The following SERPINB12 variants were observed in gnomAD, a reference collection of about 807,000 sequenced individuals.
The protein encoded by SERPINB12 is serpin B12.
SERPINB12 carries 57 observed loss-of-function variants against 41.1 expected under a neutral mutation model. The ratio of observed to expected loss-of-function variants is 1.39; its 90% CI spans 1.12 to 1.73. The LOEUF is 1.73. Ranked by LOEUF, SERPINB12 falls within the 40% of genes most tolerant of loss-of-function variation. The probability of loss-of-function intolerance (pLI) is 0.00; values close to 1 mark genes in which losing one functional copy is unlikely to be tolerated. For synonymous variants in SERPINB12, 180 were observed against 181.3 expected, an observed-to-expected ratio of 0.99 and a Z score of 0.06; for missense variants, 536 against 501.9, an observed-to-expected ratio of 1.07 and a Z score of -0.65.
the SERPINB12 span, among the ~76,000 whole-genome samples, chr18:63,521,257 C>T: frequency 1.3e-5 from 2 of 152,168 alleles, no homozygotes; most frequent in African/African-American, 4.8e-5. Context: ...TAAATGACTC[C>T]ATTTGATTCT....
intron 1 of SERPINB12, among the ~76,000 whole-genome samples, chr18:63,548,705 A>C (rs1910447930): frequency 6.6e-6 from 1 of 152,040 alleles, no homozygotes; most frequent in Admixed American, 6.5e-5. Context: ...AGAAAAGAAC[A>C]CATGGAGAAA....
At chr18:63,526,522 A>G in the SERPINB12 span, among the ~76,000 whole-genome samples, 1 of 152,334 alleles carries the variant, frequency 6.6e-6, no homozygotes, top group Non-Finnish European at 1.5e-5. Flanking sequence ...AAAATATAGT[A>G]AAATAAAATC....
intron 5 of SERPINB12, among the ~76,000 whole-genome samples, chr18:63,563,512 C>A (rs551974542): frequency 6.6e-6 from 1 of 152,332 alleles, no homozygotes; most frequent in East Asian, 1.9e-4. Context: ...ATCACCCCCT[C>A]GCTTACCTCC....
In SERPINB12 at chr18:63,568,826, C is replaced by T. The variant is rs1319930793; in HGVS notation, c.*1815C>T. ...AGTGATTTCTTTGTGCTCTGAGAGACAAGTTCCATGTTCTCCATACAACCT... is the reference window on the plus strand; with the variant it reads ...AGTGATTTCTTTGTGCTCTGAGAGATAAGTTCCATGTTCTCCATACAACCT... On this transcript the variant is annotated 3_prime_UTR_variant, in exon 8 of 8. Transcript: ENST00000382768. Among the ~76,000 whole-genome samples, 1 of 152,226 alleles carries T rather than the reference C, an allele frequency of 6.6e-6. No homozygotes were observed. The highest frequency in any genetic ancestry group is 1.5e-5 in the Non-Finnish European group (1 of 68,040).
upstream of SERPINB12, among the ~76,000 whole-genome samples, chr18:63,541,169 G>A (rs1185643866): frequency 1.3e-5 from 2 of 152,092 alleles, no homozygotes; most frequent in Non-Finnish European, 2.9e-5. Flanking sequence ...GGTTAAAGCT[G>A]GTTCATGGGA....
chr18:63,542,610 A>C lies in SERPINB12; in HGVS notation c.-19+118A>C, dbSNP rs564416791. On this transcript the variant is annotated intron_variant, in intron 1 of 7. Coordinates refer to ENST00000382768, the MANE Select transcript of SERPINB12 (RefSeq NM_001307928.2). Reference sequence around the variant, plus strand: ...CATTCTTGGGATCAGAGAGTCAGGGAGGTGCTAACGTTATTTTGCTACTTT... The same window carrying C: ...CATTCTTGGGATCAGAGAGTCAGGGCGGTGCTAACGTTATTTTGCTACTTT... Among the ~76,000 whole-genome samples the C allele has an allele frequency of 3.3e-5, 5 of 152,242 alleles. No individual in the cohort carries two copies. The South Asian group carries it at 8.3e-4, about 25-fold the overall frequency.
the SERPINB12 span, among the ~76,000 whole-genome samples, chr18:63,528,036 T>C: frequency 5.5e-4 from 83 of 152,196 alleles, no homozygotes; most frequent in South Asian, 2.3e-3. Context: ...CGTGACTTGC[T>C]TCTTCTTGCC....
chr18:63,548,389 T>C (rs1910438327), intron 1 of SERPINB12, among the ~76,000 whole-genome samples: 1 of 152,044 alleles, frequency 6.6e-6, no homozygotes, highest in East Asian at 1.9e-4. Context: ...TGTAAAAAAT[T>C]GAAAGTAGAT....
chr18:63,531,151 T>A, the SERPINB12 span, among the ~76,000 whole-genome samples: 1 of 152,214 alleles, frequency 6.6e-6, no homozygotes, highest in East Asian at 1.9e-4. Context: ...GAGAACTCAA[T>A]GAGCAATTGT....
At chr18:63,543,444 T>A (rs2144313575) in intron 1 of SERPINB12, among the ~76,000 whole-genome samples, 1 of 152,306 alleles carries the variant, frequency 6.6e-6, no homozygotes, top group South Asian at 2.1e-4. Context: ...GTATATGCAG[T>A]GCCTGACACA....
At chr18:63,559,054 C>CTT (rs1270535080) in intron 3 of SERPINB12, among the ~76,000 whole-genome samples, 57 of 89,998 alleles carry the variant, frequency 6.3e-4, no homozygotes, top group Non-Finnish European at 1.4e-3. Context: ...TTCTTTCTTT[C>CTT]TTTCTCTCCT....
chr18:63,525,288 T>C, the SERPINB12 span, among the ~76,000 whole-genome samples: 2 of 152,212 alleles, frequency 1.3e-5, no homozygotes, highest in African/African-American at 4.8e-5. Context: ...ATCTTAGCTT[T>C]CTGGTACACT....
the SERPINB12 span, among the ~76,000 whole-genome samples, chr18:63,519,193 C>T: frequency 3.9e-5 from 6 of 152,100 alleles, no homozygotes; most frequent in African/African-American, 9.7e-5. Flanking sequence ...AGGTAAGACC[C>T]GGGGACTCAG....
intron 1 of SERPINB12, 52 bp from the exon 2 acceptor site, chr18:63,556,090 C>A: frequency 1.5e-6 from 2 of 1,316,026 alleles, no homozygotes; most frequent in Non-Finnish European, 1.1e-6. Flanking sequence ...TGTTTGTTCA[C>A]TTATTTTCTT....
chr18:63,544,253 C>T (rs928394511), intron 1 of SERPINB12, among the ~76,000 whole-genome samples: 3 of 152,084 alleles, frequency 2.0e-5, no homozygotes, highest in Non-Finnish European at 2.9e-5. Context: ...CTGGATTTGG[C>T]CTGCAGGCTG....
the SERPINB12 span, among the ~76,000 whole-genome samples, chr18:63,519,242 T>A: frequency 1.4e-4 from 22 of 152,270 alleles, no homozygotes; most frequent in Non-Finnish European, 2.9e-4. Flanking sequence ...GCACCAGGTG[T>A]GTGGGGCCGG....
chr18:63,523,852 G>C, the SERPINB12 span, among the ~76,000 whole-genome samples: 2 of 152,182 alleles, frequency 1.3e-5, no homozygotes, highest in Non-Finnish European at 2.9e-5. Context: ...GACAGAAACA[G>C]CAGGAGGCAG....
the SERPINB12 span, among the ~76,000 whole-genome samples, chr18:63,519,437 C>A: frequency 3.3e-5 from 5 of 152,184 alleles, no homozygotes; most frequent in African/African-American, 7.2e-5. Flanking sequence ...AGCACAAAAA[C>A]CCTGTAAGGT....
chr18:63,559,042 C>CTTTCTTTT (rs1910797020), intron 3 of SERPINB12, among the ~76,000 whole-genome samples: 2 of 90,218 alleles, frequency 2.2e-5, no homozygotes, highest in Non-Finnish European at 5.6e-5. Context: ...TTCTTTCTTT[C>CTTTCTTTT]TTTCTTTCTT....
Sources: gnomAD v4.1 joint callset for allele counts (sites outside exome capture counted in the v4.1 genomes callset) on GRCh38, gnomAD v4.1.1 for gene constraint, MANE v1.5 for transcripts, NCBI Gene and HGNC (gene_info 2026-07-23, HGNC 2026-07-21) for gene names.